Variants in NUP88 observed in about 807,000 individuals in gnomAD.
The protein encoded by NUP88 is nucleoporin 88, also known as nuclear pore complex protein Nup88.
In NUP88, 57 loss-of-function variants were observed where a neutral mutation model predicts 93.9. That is an observed-to-expected ratio of 0.61 (90% CI 0.49 to 0.76). The LOEUF is 0.76. Ranked by LOEUF, NUP88 falls within the 30% of genes least tolerant of loss-of-function variation. The pLI, the probability that NUP88 is intolerant of heterozygous loss-of-function variation, is 0.00. For synonymous variants in NUP88, 346 were observed against 336.8 expected, an observed-to-expected ratio of 1.03 and a Z score of -0.30; for missense variants, 911 against 901.0, an observed-to-expected ratio of 1.01 and a Z score of -0.14.
chr17:5,406,606 G>GGTGAAGTAGGCAGGTT, intron 5 of NUP88, among the ~76,000 whole-genome samples: 2 of 152,102 alleles, frequency 1.3e-5, no homozygotes, highest in Admixed American at 1.3e-4. Context: ...CCAGGCAGAT[G>GGTGAAGTAGGCAGGTT]GTGAAGTAGG....
At chr17:5,411,222 A>G (rs1346554405) in intron 3 of NUP88, among the ~76,000 whole-genome samples, 1 of 152,148 alleles carries the variant, frequency 6.6e-6, no homozygotes, top group Non-Finnish European at 1.5e-5. Flanking sequence ...TGGCTGACAG[A>G]GTGAGTGATA....
At chr17:5,406,391 T>C (rs1806246) in intron 5 of NUP88, among the ~76,000 whole-genome samples, 47,858 of 152,084 alleles carry the variant, frequency 0.31, 8,132 homozygotes, top group East Asian at 0.61. Context: ...GCAAAATAGC[T>C]AGACAGACAT....
At position 5,388,947 on chromosome 17, in the gene NUP88, G is replaced by C. The variant is rs1912235206; in HGVS notation, c.1498C>G (p.Pro500Ala). The change falls in exon 11 of 17, where the codon CCA becomes GCA. Residue 500 changes from proline to alanine, a missense_variant. Coordinates refer to ENST00000573584, the MANE Select transcript of NUP88 (RefSeq NM_002532.6). The part of the protein sequence containing the change: ...LIWPLLSTVH[P>A]ASPPLLCTRE... ...GTACAAAGCAGGGGAGGAGACGCTG[G>C]ATGGACTGTACTTCTGCAAAATAAG... 5.6e-6 allele frequency: 9 copies of C among 1,610,300 alleles called. No individual in the cohort carries two copies. In the South Asian group the frequency reaches 9.9e-5, roughly 18 times the overall value.
chr17:5,412,955 T>G (rs1291639041), intron 3 of NUP88, among the ~76,000 whole-genome samples: 1 of 152,202 alleles, frequency 6.6e-6, no homozygotes, highest in Non-Finnish European at 1.5e-5. Flanking sequence ...CAATCACTTC[T>G]GATCCCACAA....
chr17:5,407,391 T>G (rs888944878), intron 5 of NUP88, among the ~76,000 whole-genome samples: 6 of 152,224 alleles, frequency 3.9e-5, no homozygotes, highest in South Asian at 4.1e-4. Context: ...TTTAGTTGTA[T>G]GCCCTTCTGG....
At chr17:5,419,265 A>G (rs1274034751) in intron 1 of NUP88, 89 bp downstream of exon 1, 1 of 1,396,082 alleles carries the variant, frequency 7.2e-7, no homozygotes, top group African/African-American at 1.5e-5. Context: ...CGCCTGCCAC[A>G]AGATGAAAAA....
intron 3 of NUP88, among the ~76,000 whole-genome samples, chr17:5,413,297 T>C (rs1412384022): frequency 6.6e-6 from 1 of 152,196 alleles, no homozygotes; most frequent in Non-Finnish European, 1.5e-5. Context: ...CTGGACACAC[T>C]GTTTTCATAA....
At chr17:5,393,366 G>T (rs1394706766) in intron 9 of NUP88, among the ~76,000 whole-genome samples, 1 of 151,680 alleles carries the variant, frequency 6.6e-6, no homozygotes, top group Non-Finnish European at 1.5e-5. Flanking sequence ...AAAGTGCTGG[G>T]ATTATAGGTG....
chr17:5,397,960 T>A (rs1445679343), intron 8 of NUP88, among the ~76,000 whole-genome samples: 2 of 126,358 alleles, frequency 1.6e-5, no homozygotes, highest in Non-Finnish European at 3.2e-5. Flanking sequence ...TGGAGTGCAG[T>A]GGTGTGATCT....
At chr17:5,411,568 G>A (rs1445960482) in intron 3 of NUP88, among the ~76,000 whole-genome samples, 57 of 135,944 alleles carry the variant, frequency 4.2e-4, no homozygotes, top group African/African-American at 1.3e-3. Context: ...GCGACAGAGC[G>A]AGACTCCATT....
chr17:5,392,432 C>T (rs1475600211), intron 9 of NUP88, among the ~76,000 whole-genome samples: 1 of 152,222 alleles, frequency 6.6e-6, no homozygotes, highest in Non-Finnish European at 1.5e-5. Flanking sequence ...AGTCTTTAAA[C>T]AGCAGTTGAA....
intron 8 of NUP88, among the ~76,000 whole-genome samples, 189 bp from the exon 9 acceptor site, chr17:5,395,170 T>C (rs2871203): frequency 0.44 from 66,395 of 151,972 alleles, 15,266 homozygotes; most frequent in East Asian, 0.84. Context: ...AGTAGGATTT[T>C]CCTTCGTAAT....
chr17:5,413,924 T>C (rs1230250552), intron 3 of NUP88, 85 bp downstream of exon 3: 1 of 1,439,604 alleles, frequency 6.9e-7, no homozygotes, highest in African/African-American at 1.4e-5. Context: ...AATGACTCAC[T>C]TCGTTCTATG....
At chr17:5,390,102 T>A (rs1263501172) in intron 10 of NUP88, among the ~76,000 whole-genome samples, 1 of 150,626 alleles carries the variant, frequency 6.6e-6, no homozygotes, top group African/African-American at 2.4e-5. Flanking sequence ...GAGGCAGAGG[T>A]TGCAGTGAGC....
At chr17:5,392,896 C>T in intron 9 of NUP88, among the ~76,000 whole-genome samples, 1 of 151,852 alleles carries the variant, frequency 6.6e-6, no homozygotes, top group Non-Finnish European at 1.5e-5. Context: ...CTCAAACAAT[C>T]CTTCCTTCTC....
At chr17:5,392,967 G>C (rs1321172321) in intron 9 of NUP88, among the ~76,000 whole-genome samples, 1 of 146,340 alleles carries the variant, frequency 6.8e-6, no homozygotes, top group Non-Finnish European at 1.5e-5. Flanking sequence ...TTTTTTTTTT[G>C]TTTGAGACGG....
chr17:5,398,358 C>T (rs1382478478), intron 8 of NUP88, among the ~76,000 whole-genome samples: 5 of 152,032 alleles, frequency 3.3e-5, no homozygotes, highest in East Asian at 1.9e-4. Flanking sequence ...GGCACGATAT[C>T]GGCTCACTGC....
intron 3 of NUP88, 130 bp downstream of exon 3, chr17:5,413,879 T>C (rs72839514): frequency 0.033 from 30,843 of 925,064 alleles, 683 homozygotes; most frequent in Non-Finnish European, 0.043. Context: ...GAGAATGGGT[T>C]ACAACAGCCA....
At chr17:5,412,018 T>C (rs1411384093) in intron 3 of NUP88, among the ~76,000 whole-genome samples, 2 of 152,194 alleles carry the variant, frequency 1.3e-5, no homozygotes, top group African/African-American at 4.8e-5. Flanking sequence ...CAACAGGGCA[T>C]TCGGTGAAAA....
Sources: gnomAD v4.1 joint callset for allele counts (sites outside exome capture counted in the v4.1 genomes callset) on GRCh38, gnomAD v4.1.1 for gene constraint, MANE v1.5 for transcripts, NCBI Gene and HGNC (gene_info 2026-07-23, HGNC 2026-07-21) for gene names.